DLG2: variants seen among roughly 807,000 people sequenced by gnomAD.
DLG2 encodes the protein disks large homolog 2.
In DLG2, 45 loss-of-function variants were observed where a neutral mutation model predicts 132.5. That is an observed-to-expected ratio of 0.34 (90% CI 0.27 to 0.44). The LOEUF is 0.44. Ranked by LOEUF, DLG2 falls within the 20% of genes least tolerant of loss-of-function variation. The pLI is 1.00. For synonymous variants in DLG2, 424 were observed against 419.6 expected (o/e 1.01, Z -0.13); for missense variants, 1,045 against 1,196.9 (o/e 0.87, Z 1.87).
At chr11:83,474,634 A>G (rs1436823727) in intron 22 of DLG2, among the ~76,000 whole-genome samples, 3 of 152,098 alleles carry the variant, frequency 2.0e-5, no homozygotes, top group Non-Finnish European at 4.4e-5. Context: ...ATTCATCACC[A>G]TGTCTCCAGT....
chr11:84,842,465 G>A (rs2080818424), intron 6 of DLG2, among the ~76,000 whole-genome samples: 1 of 151,950 alleles, frequency 6.6e-6, no homozygotes, highest in African/African-American at 2.4e-5. Context: ...ACTGAGCAGG[G>A]TGATGTCAAA....
In DLG2 at chr11:84,877,361, G is replaced by T. The variant is rs1429012243; in HGVS notation, c.357+234300C>A. Among the ~76,000 whole-genome samples, 3 of 151,810 alleles carry T rather than the reference G, an allele frequency of 2.0e-5. No homozygotes were observed. In the East Asian group the frequency reaches 5.8e-4, roughly 29 times the overall value. On this transcript the variant is annotated intron_variant, in intron 6 of 27. Transcript: ENST00000376104. ...CTCTAAGAACTGACTTATGAATCTG[G>T]GTGCTCCTATAGTGGGGGCATATAT...
intron 6 of DLG2, among the ~76,000 whole-genome samples, chr11:84,853,191 T>C (rs2082359484): frequency 6.6e-6 from 1 of 151,986 alleles, no homozygotes; most frequent in African/African-American, 2.4e-5. Flanking sequence ...TAAAAGACTC[T>C]GAATAACCCT....
chr11:83,738,689 T>A (rs1172736920), intron 18 of DLG2, among the ~76,000 whole-genome samples: 6 of 152,160 alleles, frequency 3.9e-5, no homozygotes, highest in Admixed American at 3.3e-4. Context: ...TCAGAGATTC[T>A]CCATCCACCC....
chr11:84,054,102 T>G (rs1009270592), intron 11 of DLG2, among the ~76,000 whole-genome samples: 5 of 152,060 alleles, frequency 3.3e-5, no homozygotes, highest in Non-Finnish European at 7.4e-5. Flanking sequence ...AAACTGTAGC[T>G]TTCACATTTT....
At chr11:84,925,579 T>C (rs1379263197) in intron 6 of DLG2, among the ~76,000 whole-genome samples, 1 of 152,132 alleles carries the variant, frequency 6.6e-6, no homozygotes, top group East Asian at 1.9e-4. Context: ...CTAAAGAATA[T>C]TCCATATTTT....
At chr11:83,756,121 G>A (rs760740164) in intron 18 of DLG2, among the ~76,000 whole-genome samples, 1 of 151,100 alleles carries the variant, frequency 6.6e-6, no homozygotes, top group Non-Finnish European at 1.5e-5. Context: ...TCATTATGGA[G>A]AGGCACCACA....
At chr11:84,478,216 C>T (rs759670936) in intron 7 of DLG2, among the ~76,000 whole-genome samples, 1 of 152,026 alleles carries the variant, frequency 6.6e-6, no homozygotes, top group Non-Finnish European at 1.5e-5. Context: ...TATAAAAAAG[C>T]TTAATAGCAA....
chr11:84,845,475 A>T (rs919942528), intron 6 of DLG2, among the ~76,000 whole-genome samples: 12 of 152,098 alleles, frequency 7.9e-5, no homozygotes, highest in African/African-American at 2.9e-4. Context: ...AATAATATAT[A>T]TCACTGAACA....
chr11:84,634,932 G>A (rs545759619), intron 6 of DLG2, among the ~76,000 whole-genome samples: 10 of 152,264 alleles, frequency 6.6e-5, no homozygotes, highest in African/African-American at 2.2e-4. Flanking sequence ...AGGTCAACAA[G>A]GAAATGGAGA....
intron 10 of DLG2, among the ~76,000 whole-genome samples, chr11:84,076,011 G>T (rs148773531): frequency 6.6e-6 from 1 of 152,270 alleles, no homozygotes; most frequent in Non-Finnish European, 1.5e-5. Context: ...AGGATTAAGG[G>T]CAACAAGAAG....
chr11:85,297,096 T>C (rs2079280318), intron 3 of DLG2, among the ~76,000 whole-genome samples: 1 of 151,896 alleles, frequency 6.6e-6, no homozygotes, highest in Non-Finnish European at 1.5e-5. Flanking sequence ...TGTAGAAAAA[T>C]AAAACCAAGA....
At chr11:85,212,110 C>G (rs566394140) in intron 4 of DLG2, among the ~76,000 whole-genome samples, 7 of 152,168 alleles carry the variant, frequency 4.6e-5, no homozygotes, top group Admixed American at 2.6e-4. Context: ...ATCCATATAT[C>G]CCCTATATCC....
intron 6 of DLG2, among the ~76,000 whole-genome samples, chr11:84,759,735 T>C (rs1417970387): frequency 6.6e-6 from 1 of 152,142 alleles, no homozygotes; most frequent in Non-Finnish European, 1.5e-5. Flanking sequence ...TTTTCTCCAT[T>C]GCAACAAAAA....
chr11:85,062,261 T>C (rs189106454), intron 6 of DLG2, among the ~76,000 whole-genome samples: 261 of 151,900 alleles, frequency 1.7e-3, no homozygotes, highest in African/African-American at 6.0e-3. Context: ...AAAAATTATA[T>C]CAATGCAATA....
chr11:85,187,164 T>C (rs911171854), intron 4 of DLG2, among the ~76,000 whole-genome samples: 8 of 152,168 alleles, frequency 5.3e-5, no homozygotes, highest in Admixed American at 4.6e-4. Context: ...ACTAAAACAC[T>C]GGCCCAGGGG....
chr11:84,450,407 C>CTT (rs34295402), intron 7 of DLG2, among the ~76,000 whole-genome samples: 241 of 137,506 alleles, frequency 1.8e-3, no homozygotes, highest in Non-Finnish European at 3.2e-3. Context: ...ACAAGAAGTA[C>CTT]TTTTTTTTTT....
chr11:84,541,673 T>C (rs1029038180), intron 6 of DLG2, among the ~76,000 whole-genome samples: 2 of 152,036 alleles, frequency 1.3e-5, no homozygotes, highest in Non-Finnish European at 2.9e-5. Flanking sequence ...AAATGACACA[T>C]AAAAAGAGAT....
intron 10 of DLG2, among the ~76,000 whole-genome samples, chr11:84,068,241 T>C (rs1422471450): frequency 6.6e-6 from 1 of 152,356 alleles, no homozygotes. Flanking sequence ...TCCATGGCTA[T>C]TCTTCCCAGC....
Sources: gnomAD v4.1 joint callset for allele counts (sites outside exome capture counted in the v4.1 genomes callset) on GRCh38, gnomAD v4.1.1 for gene constraint, MANE v1.5 for transcripts, NCBI Gene and HGNC (gene_info 2026-07-23, HGNC 2026-07-21) for gene names.